Variants in ZNF565 observed in about 807,000 individuals in gnomAD.
ZNF565 encodes zinc finger protein 565.
ZNF565 carries 27 observed loss-of-function variants against 39.4 expected under a neutral mutation model. That is an observed-to-expected ratio of 0.69 (90% CI 0.51 to 0.95). The LOEUF (loss-of-function observed/expected upper bound fraction) is 0.95. ZNF565 is among the 40% of genes least tolerant of loss of function. The probability of loss-of-function intolerance (pLI) is 0.00; values close to 1 mark genes in which losing one functional copy is unlikely to be tolerated. For missense variants in ZNF565, 524 were observed against 621.1 expected (o/e 0.84, Z 1.66); for synonymous variants, 185 against 216.6 (o/e 0.85, Z 1.28).
intron 1 of ZNF565, among the ~76,000 whole-genome samples, chr19:36,232,019 A>G (rs1415136991): frequency 1.3e-5 from 2 of 152,002 alleles, no homozygotes; most frequent in East Asian, 1.9e-4. Flanking sequence ...CCTGGCCAAC[A>G]TGGTAAAACC....
Position 36,238,524 on chromosome 19 carries a change from A to G in ZNF565, c.55+6952T>C, listed in dbSNP as rs549983382. On this transcript the variant is annotated intron_variant, in intron 1 of 4. Transcript: ENST00000355114. The stretch of plus-strand genomic sequence containing the variant: ...ATACTGATTGATTCTGGATTGTGGT[A>G]TAGGGATATCTTGTCTTATTTTTTG... 3.6e-5 allele frequency: 6 copies of G among 167,206 alleles called. No homozygotes were observed. The South Asian group carries it at 1.2e-3, about 35-fold the overall frequency. The allele number at this position is 167,206 out of a possible 1,614,324, so 10.4% of individuals were successfully genotyped here.
chr19:36,237,533 T>G, intron 1 of ZNF565: 3 of 430,586 alleles, frequency 7.0e-6, no homozygotes, highest in Admixed American at 4.2e-5. Context: ...GCAGCAGAGA[T>G]AATGGTGAAA....
chr19:36,235,648 C>G (rs925677592), intron 1 of ZNF565: 1 of 152,148 alleles, frequency 6.6e-6, no homozygotes, highest in African/African-American at 2.4e-5. Flanking sequence ...GTTCTTTGTA[C>G]TCCATTTTAG....
chr19:36,220,664 C>A (rs796143328), intron 1 of ZNF565, among the ~76,000 whole-genome samples: 8 of 152,154 alleles, frequency 5.3e-5, no homozygotes, highest in African/African-American at 1.9e-4. Context: ...CGGCGCCCGG[C>A]CTCCTAGTTG....
intron 1 of ZNF565, among the ~76,000 whole-genome samples, chr19:36,232,353 T>C (rs575060437): frequency 6.6e-6 from 1 of 152,218 alleles, no homozygotes; most frequent in Admixed American, 6.5e-5. Flanking sequence ...TTAAAATGTT[T>C]GTTACTTCTG....
rs767613413 is a variant in ZNF565, at chr19:36,183,602, C to G, written c.364G>C (p.Glu122Gln). ...TTGACTTGTCTCTCAAACTGGCCTT[C>G]GCATTCCCAGTCAGCTCTAAAATCG... ...GSDFRADWEC[E>Q]GQFERQVNEE... is the part of the protein sequence containing the mutation. Residue 122 changes from glutamate (E) to glutamine (Q), a missense_variant, in exon 5 of 5, where the codon GAA (glutamate) becomes CAA (glutamine). Transcript: ENST00000304116. 1 of 1,614,190 alleles carries G rather than the reference C, an allele frequency of 6.2e-7. No homozygotes were observed. The highest frequency in any genetic ancestry group is 8.5e-7 in the Non-Finnish European group (1 of 1,180,046).
In ZNF565 at chr19:36,183,213, A is replaced by T; in HGVS notation, c.753T>A (p.Tyr251Ter). The T allele has an allele frequency of 6.2e-7, 1 of 1,614,112 alleles. No homozygotes were observed. Among genetic ancestry groups the T allele is most frequent in the Non-Finnish European group, 8.5e-7 (1 of 1,180,036 alleles). Residue 251 changes from tyrosine to a stop codon, truncating the protein, a stop_gained, in exon 5 of 5, where the codon TAT (tyrosine) becomes TAA (stop). Coordinates refer to ENST00000304116, the MANE Select transcript of ZNF565 (RefSeq NM_152477.5). LOFTEE classifies it high-confidence loss of function. ...AGGTCTTCCCACATTCTTTACATTC[A>T]TAAGGTTTGACACCAGTATGAAGTC... is the stretch of plus-strand genomic sequence containing the variant. ...HQRLHTGVKPYECKECGKTFR... is the reference protein window; with the variant it reads ...HQRLHTGVKP
At chr19:36,241,032 C>T (rs1463161968) in intron 1 of ZNF565, among the ~76,000 whole-genome samples, 1 of 152,242 alleles carries the variant, frequency 6.6e-6, no homozygotes, top group Non-Finnish European at 1.5e-5. Context: ...CAGTTGTGGA[C>T]TTCCCAGCCT....
chr19:36,224,863 C>T (rs1181773927), intron 1 of ZNF565, among the ~76,000 whole-genome samples: 3 of 152,078 alleles, frequency 2.0e-5, no homozygotes, highest in Admixed American at 2.0e-4. Flanking sequence ...CAGGTTTGGA[C>T]ACTTCTTACT....
At chr19:36,223,734 A>C (rs986029850) in intron 1 of ZNF565, among the ~76,000 whole-genome samples, 4 of 151,812 alleles carry the variant, frequency 2.6e-5, no homozygotes, top group Non-Finnish European at 5.9e-5. Flanking sequence ...AATTCTTATA[A>C]AGTTACAGTT....
intron 4 of ZNF565, among the ~76,000 whole-genome samples, chr19:36,193,049 G>A (rs1484562612): frequency 1.3e-5 from 2 of 152,080 alleles, no homozygotes; most frequent in Non-Finnish European, 2.9e-5. Flanking sequence ...AGGCTGGAGT[G>A]CAGTGGTGTG....
At chr19:36,190,152 T>C (rs1456415099) in intron 4 of ZNF565, among the ~76,000 whole-genome samples, 1 of 152,090 alleles carries the variant, frequency 6.6e-6, no homozygotes, top group Non-Finnish European at 1.5e-5. Flanking sequence ...AATTTATGCA[T>C]ATTCAATTAA....
chr19:36,205,395 G>C (rs1976115466), intron 1 of ZNF565, among the ~76,000 whole-genome samples: 1 of 152,046 alleles, frequency 6.6e-6, no homozygotes, highest in African/African-American at 2.4e-5. Flanking sequence ...GGCATGGTGG[G>C]GGGCGCTTAT....
intron 1 of ZNF565, among the ~76,000 whole-genome samples, chr19:36,229,319 C>T (rs7249613): frequency 0.028 from 4,229 of 152,320 alleles, 168 homozygotes; most frequent in African/African-American, 0.095. Context: ...CTTTCTTCTG[C>T]TCCCATGTAC....
chr19:36,207,064 C>G (rs567947711), intron 1 of ZNF565, among the ~76,000 whole-genome samples: 199 of 152,014 alleles, frequency 1.3e-3, no homozygotes, highest in African/African-American at 4.7e-3. Context: ...AGGCTTTCCT[C>G]GATCAACAAG....
At chr19:36,196,310 A>G (rs534198338) in intron 2 of ZNF565, among the ~76,000 whole-genome samples, 1 of 151,914 alleles carries the variant, frequency 6.6e-6, no homozygotes, top group Non-Finnish European at 1.5e-5. Context: ...TCCTGGTCTT[A>G]AGTGATCCTC....
In ZNF565 at chr19:36,194,386, T is replaced by C. The variant is rs572755011; in HGVS notation, c.137-58A>G. 4.0e-5 allele frequency: 55 copies of C among 1,386,540 alleles called. No homozygotes were observed. In the South Asian group the frequency reaches 4.3e-4, roughly 11 times the overall value. 85.9% of individuals were successfully genotyped at this position (1,386,540 alleles called of 1,614,324 possible). On this transcript the variant is annotated intron_variant, in intron 3 of 4. Transcript: ENST00000304116. Reference sequence around the variant, plus strand: ...GACCGCTCCAAAATCCAAACCCAGTTCCCTGGTCACCATGGAAAAGACGCA... The same window carrying C: ...GACCGCTCCAAAATCCAAACCCAGTCCCCTGGTCACCATGGAAAAGACGCA...
chr19:36,230,476 A>T lies in ZNF565; in HGVS notation c.55+15000T>A, dbSNP rs75793223. 5.9e-3 allele frequency among the ~76,000 whole-genome samples: 888 copies of T among 150,464 alleles called. 7 individuals are homozygous for T. Among genetic ancestry groups the T allele is most frequent in the African/African-American group, 0.02 (833 of 41,482 alleles). ...AAAGTAAGGGAAAACCGGTATAGAG[A>T]GGGCTAGTTGGGGTTGTAATTTTAA... On this transcript the variant is annotated intron_variant, in intron 1 of 4. Coordinates refer to the ZNF565 transcript ENST00000355114.
In ZNF565 at chr19:36,209,710, TA is replaced by T. The variant is rs1195722374; in HGVS notation, c.-66+4911del. Among the ~76,000 whole-genome samples the T allele has an allele frequency of 1.1e-4, 16 of 152,254 alleles. No individual in the cohort carries two copies. The East Asian group carries it at 2.9e-3, about 28-fold the overall frequency. On this transcript the variant is annotated intron_variant, in intron 1 of 4. Coordinates refer to ENST00000304116, the MANE Select transcript of ZNF565 (RefSeq NM_152477.5). ...TACAAACAGTAATAAATGAACAATC[TA>T]TATTACACATAAATATTATGAATAC...
Sources: gnomAD v4.1 joint callset for allele counts (sites outside exome capture counted in the v4.1 genomes callset) on GRCh38, gnomAD v4.1.1 for gene constraint, MANE v1.5 for transcripts, NCBI Gene and HGNC (gene_info 2026-07-23, HGNC 2026-07-21) for gene names.